Variants in TENM1 observed in about 807,000 individuals in gnomAD.
TENM1 encodes the protein teneurin-1.
Under a neutral mutation model 174.8 loss-of-function variants are expected in TENM1, and 35 were observed. The ratio of observed to expected loss-of-function variants is 0.20; its 90% CI spans 0.15 to 0.27. The LOEUF is 0.27. Among genes scored for constraint, TENM1 ranks in the 10% least tolerant of loss-of-function variants. The pLI, the probability that TENM1 is intolerant of heterozygous loss-of-function variation, is 1.00. For missense variants in TENM1, 1,633 were observed against 2,130.1 expected (o/e 0.77, Z 4.59); for synonymous variants, 781 against 798.7 (o/e 0.98, Z 0.37).
At chrX:124,930,428 CCTCTGAGGCT>C (rs1384749308) in intron 1 of TENM1, among the ~76,000 whole-genome samples, 1 of 111,941 alleles carries the variant, frequency 8.9e-6, no homozygotes, top group African/African-American at 3.2e-5. Flanking sequence ...ACCATTCACT[CCTCTGAGGCT>C]CTCACTATAT....
At chrX:124,588,470 C>G (rs1175649755) in intron 11 of TENM1, among the ~76,000 whole-genome samples, 2 of 108,388 alleles carry the variant, frequency 1.8e-5, no homozygotes, top group Admixed American at 9.9e-5. Context: ...CATATTCTCA[C>G]TCATAGGTGG....
exon 19 of TENM1, chrX:124,503,652 T>G: frequency 1.7e-6 from 2 of 1,208,764 alleles, no homozygotes; most frequent in South Asian, 3.5e-5. Flanking sequence ...GACTGTCCTT[T>G]GCTCCCAGAG....
chrX:124,953,639 T>C (rs5958627), intron 1 of TENM1, among the ~76,000 whole-genome samples: 5,714 of 111,374 alleles, frequency 0.051, 380 homozygotes, highest in African/African-American at 0.18. Flanking sequence ...GTAGCTGAAG[T>C]AATTTAAAAG....
chrX:125,152,127 C>T, the TENM1 span, among the ~76,000 whole-genome samples: 2 of 109,644 alleles, frequency 1.8e-5, no homozygotes, highest in Non-Finnish European at 3.8e-5. Context: ...TGGTGGTGCA[C>T]ACCTGTAATC....
chrX:124,706,603 T>G (rs1314307379), intron 4 of TENM1, among the ~76,000 whole-genome samples: 1 of 112,268 alleles, frequency 8.9e-6, no homozygotes, highest in African/African-American at 3.2e-5. Flanking sequence ...TGTTGAGTGT[T>G]CATGACTATT....
intron 22 of TENM1, among the ~76,000 whole-genome samples, chrX:124,478,764 G>A (rs983361853): frequency 8.9e-6 from 1 of 111,745 alleles, no homozygotes; most frequent in East Asian, 2.8e-4. Flanking sequence ...TTCATTAAAC[G>A]TTTGCTATCT....
the TENM1 span, among the ~76,000 whole-genome samples, chrX:125,083,169 T>C: frequency 9.0e-6 from 1 of 110,953 alleles, no homozygotes; most frequent in African/African-American, 3.3e-5. Context: ...TTAATTCTGT[T>C]CTGTTTTGAA....
At chrX:124,383,441 T>C (rs935211748) in intron 30 of TENM1, among the ~76,000 whole-genome samples, 193 bp downstream of exon 33, 1 of 112,047 alleles carries the variant, frequency 8.9e-6, no homozygotes, top group Non-Finnish European at 1.9e-5. Context: ...TGTAGTAGGA[T>C]GCAAAAGTAT....
chrX:124,436,472 A>C (rs2147791859), intron 23 of TENM1, among the ~76,000 whole-genome samples: 1 of 108,240 alleles, frequency 9.2e-6, no homozygotes, highest in East Asian at 2.9e-4. Flanking sequence ...CCTCAGAGGC[A>C]CCAGAAGCAA....
chrX:124,540,884 T>C (rs951426125), intron 15 of TENM1, among the ~76,000 whole-genome samples: 2 of 111,881 alleles, frequency 1.8e-5, no homozygotes, highest in Non-Finnish European at 3.8e-5. Flanking sequence ...GACCTCCTGA[T>C]ATTGCTCCTT....
intron 1 of TENM1, among the ~76,000 whole-genome samples, chrX:124,951,471 G>A (rs1035406341): frequency 9.1e-6 from 1 of 109,508 alleles, no homozygotes; most frequent in Non-Finnish European, 1.9e-5. Flanking sequence ...GAAGACACAT[G>A]TATTTTAGAA....
chrX:124,783,697 T>A (rs1048959865), intron 3 of TENM1, among the ~76,000 whole-genome samples: 1 of 111,626 alleles, frequency 9.0e-6, no homozygotes, highest in East Asian at 2.8e-4. Context: ...AAGGCATGGG[T>A]TAATTTCCAG....
chrX:124,806,970 G>A (rs1402860282), intron 3 of TENM1, among the ~76,000 whole-genome samples: 1 of 112,060 alleles, frequency 8.9e-6, no homozygotes, highest in South Asian at 3.7e-4. Flanking sequence ...AGCTGTACAG[G>A]AAGTATGGCA....
chrX:125,071,888 A>G, the TENM1 span, among the ~76,000 whole-genome samples: 1 of 111,288 alleles, frequency 9.0e-6, no homozygotes, highest in Non-Finnish European at 1.9e-5. Flanking sequence ...AATAAAATAT[A>G]TAAGTATAAA....
chrX:124,719,368 T>TA (rs200435891), intron 4 of TENM1, among the ~76,000 whole-genome samples: 12 of 109,744 alleles, frequency 1.1e-4, no homozygotes, highest in South Asian at 3.9e-4. Context: ...TTTGTAACAA[T>TA]AAAAAAAAAT....
intron 27 of TENM1, among the ~76,000 whole-genome samples, chrX:124,403,240 G>T (rs1383811167): frequency 9.0e-6 from 1 of 110,846 alleles, no homozygotes; most frequent in Non-Finnish European, 1.9e-5. Context: ...GTGAGCACTG[G>T]CCGGGCACGG....
exon 18 of TENM1, chrX:124,520,575 A>C: frequency 8.3e-7 from 1 of 1,211,403 alleles, no homozygotes; most frequent in Non-Finnish European, 1.1e-6. Context: ...TGTTCCAAGC[A>C]AATGTGTAGA....
At chrX:124,421,630 T>C (rs2060655018) in intron 24 of TENM1, among the ~76,000 whole-genome samples, 1 of 102,235 alleles carries the variant, frequency 9.8e-6, no homozygotes, top group Non-Finnish European at 2.1e-5. Flanking sequence ...TTTTTTTTTT[T>C]CCAATTTCGA....
chrX:125,155,488 G>A, the TENM1 span, among the ~76,000 whole-genome samples: 1 of 110,823 alleles, frequency 9.0e-6, no homozygotes, highest in Non-Finnish European at 1.9e-5. Context: ...GCCCTTGGGT[G>A]GTAGATGGGA....
Sources: allele counts gnomAD v4.1 joint callset (sites outside exome capture counted in the v4.1 genomes callset), GRCh38; gene constraint gnomAD v4.1.1; transcripts MANE v1.5; gene names NCBI Gene and HGNC (gene_info 2026-07-23, HGNC 2026-07-21).